The following STAB1 variants were observed in gnomAD, a reference collection of about 807,000 sequenced individuals.
STAB1 encodes the protein stabilin 1.
Under a neutral mutation model 332.4 loss-of-function variants are expected in STAB1, and 250 were observed. The ratio of observed to expected loss-of-function variants is 0.75; its 90% confidence interval spans 0.68 to 0.84. The LOEUF (loss-of-function observed/expected upper bound fraction) is 0.84. Among genes scored for constraint, STAB1 ranks in the 40% least tolerant of loss-of-function variants. STAB1 has a pLI of 0.00. For missense variants in STAB1, 3,249 were observed against 3,489.7 expected (o/e 0.93, Z 1.74); for synonymous variants, 1,475 against 1,390.4 (o/e 1.06, Z -1.35).
At position 52,510,350 on chromosome 3, in the gene STAB1, CTGAG is replaced by C; in HGVS notation, c.2633_2636del (p.Glu878ValfsTer34). 1.9e-6 allele frequency: 3 copies of C among 1,613,936 alleles called. No homozygotes were observed. Among genetic ancestry groups the C allele is most frequent in the Non-Finnish European group, 2.5e-6 (3 of 1,179,928 alleles). ...GTTATTTATCCATGGCTCTCACAGG[CTGAG>C]TGTGTCCCTGGGTCCCTGGGCACCC... On this transcript the variant is annotated frameshift_variant and splice_region_variant, in exon 25 of 69. Transcript: ENST00000321725. LOFTEE classifies it high-confidence loss of function.
intron 13 of STAB1, 26 bp from the exon 14 acceptor site, chr3:52,505,293 G>A (rs745859826): frequency 1.2e-6 from 2 of 1,613,148 alleles, no homozygotes; most frequent in Non-Finnish European, 1.7e-6. Context: ...CTTCCCTGGG[G>A]CCCTCACACT....
intron 14 of STAB1, 80 bp downstream of exon 14, chr3:52,505,461 A>C (rs1303092243): frequency 1.4e-6 from 2 of 1,460,740 alleles, no homozygotes; most frequent in African/African-American, 2.8e-5. Flanking sequence ...ATTCTGCCCC[A>C]CAGTGACCTG....
intron 36 of STAB1, 32 bp from the exon 37 acceptor site, chr3:52,515,391 G>A: frequency 1.9e-6 from 3 of 1,608,728 alleles, no homozygotes; most frequent in Non-Finnish European, 2.5e-6. Context: ...CCAAGCCACT[G>A]GCTGACCCCT....
At position 52,518,623 on chromosome 3, in the gene STAB1, C is replaced by T; in HGVS notation, c.4887+10C>T. On this transcript the variant is annotated intron_variant, in intron 47 of 68. Transcript: ENST00000321725. Reference sequence around the variant, plus strand: ...GAGCAACCTGTCGCAGGTATGCAGCCCCCAGAGCGAGGCTGGGCAGGGCTG... The same window carrying T: ...GAGCAACCTGTCGCAGGTATGCAGCTCCCAGAGCGAGGCTGGGCAGGGCTG... 1 of 1,608,924 alleles carries T rather than the reference C, an allele frequency of 6.2e-7. No individual in the cohort carries two copies. The highest frequency in any genetic ancestry group is 8.5e-7 in the Non-Finnish European group (1 of 1,178,158).
chr3:52,499,287 T>G (rs938802594), intron 1 of STAB1, among the ~76,000 whole-genome samples: 5 of 152,220 alleles, frequency 3.3e-5, no homozygotes, highest in African/African-American at 4.8e-5. Flanking sequence ...TGCTGGGACT[T>G]TGTTGCCGTA....
intron 16 of STAB1, 72 bp from the exon 17 acceptor site, chr3:52,506,098 C>T (rs1313212215): frequency 2.6e-6 from 4 of 1,539,800 alleles, no homozygotes; most frequent in Admixed American, 1.8e-5. Flanking sequence ...TGTGAGCCTC[C>T]TGGGCAGGAC....
Position 52,522,854 on chromosome 3 carries a change from G to A in STAB1, c.6824G>A (p.Cys2275Tyr). Residue 2275 changes from cysteine (C) to tyrosine (Y), a missense_variant, in exon 62 of 69, where the codon TGT becomes TAT. Transcript: ENST00000321725. The stretch of plus-strand genomic sequence containing the variant: ...CCTGTGGTTTTCCCTGTGGCGGACT[G>A]TGGCAATGGTCGGGTGGGCATAGTC... Reference protein sequence around the residue: ...AHPVVFPVADCGNGRVGIVSL... With the variant: ...AHPVVFPVADYGNGRVGIVSL... The A allele has an allele frequency of 1.2e-6, 2 of 1,613,332 alleles. No individual in the cohort carries two copies. The highest frequency in any genetic ancestry group is 2.2e-5 in the South Asian group (2 of 91,086).
At position 52,523,993 on chromosome 3, in the gene STAB1, G is replaced by A. The variant is rs2079177939; in HGVS notation, c.7518G>A (p.Met2506Ile). ...ALYLRARGKP[M>I]GFGFSAFQAE... ...ACCTCCGTGCCCGAGGCAAGCCCAT[G>A]GGCTTTGGCTTCTCTGCCTTCCAGG... Residue 2506 changes from methionine to isoleucine, a missense_variant, in exon 67 of 69, where the codon ATG (methionine) becomes ATA (isoleucine). Met to Ile is a conservative substitution (Grantham distance 10, BLOSUM62 1). Transcript: ENST00000321725. 2 of 1,611,812 alleles carry A rather than the reference G, an allele frequency of 1.2e-6. No individual in the cohort carries two copies. The highest frequency in any genetic ancestry group is 2.2e-5 in the East Asian group (1 of 44,886).
chr3:52,503,686 G>A, intron 8 of STAB1, 86 bp from the exon 9 acceptor site: 2 of 1,584,654 alleles, frequency 1.3e-6, no homozygotes, highest in South Asian at 1.1e-5. Context: ...TCAGGGAGGG[G>A]CTGAGCAGGG....
chr3:52,522,152 C>T lies in STAB1; in HGVS notation c.6387C>T (p.Ser2129=). The change falls in exon 59 of 69, where the codon AGC becomes AGT. Residue 2129 remains serine, a synonymous_variant. Coordinates refer to ENST00000321725, the MANE Select transcript of STAB1 (RefSeq NM_015136.3). ...CLPDYEGDGW[S]CRARNPCTDG... ...CCGACTACGAGGGTGATGGCTGGAG[C>T]TGCCGGGCCCGCAACCCCTGCACAG... The T allele has an allele frequency of 1.2e-6, 2 of 1,612,964 alleles. No homozygotes were observed. Among genetic ancestry groups the T allele is most frequent in the Non-Finnish European group, 8.5e-7 (1 of 1,180,004 alleles).
rs755773628 is a variant in STAB1, at chr3:52,510,384, C to T, written c.2664C>T (p.His888=). The T allele has an allele frequency of 5.6e-6, 9 of 1,614,070 alleles. No individual in the cohort carries two copies. In the Admixed American group the frequency reaches 6.7e-5, roughly 12 times the overall value. The change falls in exon 25 of 69, where the codon CAC becomes CAT. Residue 888 remains histidine (H), a synonymous_variant. Coordinates refer to ENST00000321725, the MANE Select transcript of STAB1 (RefSeq NM_015136.3). ...TCCCTGGGTCCCTGGGCACCCACCA[C>T]TGCACATGCCACAAAGGCTGGAGTG... is the stretch of plus-strand genomic sequence containing the variant. ...ECVPGSLGTH[H]CTCHKGWSGD...
In STAB1 at chr3:52,518,312, G is replaced by C. The variant is rs2078946123; in HGVS notation, c.4762G>C (p.Glu1588Gln). 1 of 1,612,700 alleles carries C rather than the reference G, an allele frequency of 6.2e-7. No homozygotes were observed. Among genetic ancestry groups the C allele is most frequent in the Non-Finnish European group, 8.5e-7 (1 of 1,179,808 alleles). ...GLTCRARVGLELLRDKHASFF... is the reference protein window; with the variant it reads ...GLTCRARVGLQLLRDKHASFF... ...TCTGAGCTGACCCTCGCCCCCCCAG[G>C]AGCTCCTGAGGGATAAGCATGCCTC... The change falls in exon 46 of 69, where the codon GAG becomes CAG. Residue 1588 changes from glutamate to glutamine, a missense_variant and splice_region_variant. Glu to Gln is a conservative substitution (Grantham distance 29). Transcript: ENST00000321725.
chr3:52,521,951 G>A lies in STAB1; in HGVS notation c.6271G>A (p.Val2091Met). 5.0e-6 allele frequency: 8 copies of A among 1,608,088 alleles called. No individual in the cohort carries two copies. The highest frequency in any genetic ancestry group is 6.0e-6 in the Non-Finnish European group (7 of 1,176,130). The part of the protein sequence containing the change: ...GYEGDGRVCT[V>M]ADLCQDGHGG... ...TGAAGGGGATGGCCGTGTGTGTACA[G>A]GTAAGCAGATGGGCGGGGACATGGA... Residue 2091 changes from valine to methionine, a missense_variant and splice_region_variant, in exon 58 of 69, where the codon GTG (valine) becomes ATG (methionine). Transcript: ENST00000321725.
intron 1 of STAB1, among the ~76,000 whole-genome samples, chr3:52,497,023 G>A (rs1463658351): frequency 6.6e-6 from 1 of 152,110 alleles, no homozygotes; most frequent in Non-Finnish European, 1.5e-5. Context: ...TTCTTTTGAG[G>A]TGGAGTCTCG....
At position 52,510,226 on chromosome 3, in the gene STAB1, C is replaced by T. The variant is rs1294666991; in HGVS notation, c.2619C>T (p.Cys873=). 2.5e-6 allele frequency: 4 copies of T among 1,613,912 alleles called. No homozygotes were observed. The highest frequency in any genetic ancestry group is 3.4e-6 in the Non-Finnish European group (4 of 1,180,028). The change falls in exon 24 of 69, where the codon TGC becomes TGT. Residue 873 remains cysteine, a synonymous_variant. Transcript: ENST00000321725. ...NPCSHPDRGG[C]SENAECVPGS... ...GCTCCCACCCGGACCGTGGAGGCTGCTCAGAGAATGTCAGTCCCCTTGCTC... is the reference window on the plus strand; with the variant it reads ...GCTCCCACCCGGACCGTGGAGGCTGTTCAGAGAATGTCAGTCCCCTTGCTC...
At chr3:52,514,244 G>T in intron 33 of STAB1, 31 bp downstream of exon 33, 7 of 1,611,298 alleles carry the variant, frequency 4.3e-6, no homozygotes, top group Non-Finnish European at 5.9e-6. Context: ...CAATGGCAGG[G>T]AGGGCAAAGG....
chr3:52,499,103 C>T (rs552187932), intron 1 of STAB1, among the ~76,000 whole-genome samples: 2 of 152,322 alleles, frequency 1.3e-5, no homozygotes, highest in South Asian at 4.1e-4. Context: ...GGGGTCACTC[C>T]CTTTGGACCA....
rs2078831381 is a variant in STAB1 at position 52,515,477 on chromosome 3, T to C, written c.3919T>C (p.Cys1307Arg). ...ATCTGGCTTCTCCTTCTCCCGGGGC[T>C]GCTCTTACACATGTGCCAAGAAGAT... ...YRSGFSFSRG[C>R]SYTCAKKIQV... is the part of the protein sequence containing the mutation. Residue 1307 changes from cysteine to arginine, a missense_variant, in exon 37 of 69, where the codon TGC (cysteine) becomes CGC (arginine). Cys to Arg is a radical substitution (Grantham distance 180, BLOSUM62 -3). Coordinates refer to ENST00000321725, the MANE Select transcript of STAB1 (RefSeq NM_015136.3). 1 of 1,613,532 alleles carries C rather than the reference T, an allele frequency of 6.2e-7. No individual in the cohort carries two copies. The highest frequency in any genetic ancestry group is 1.7e-5 in the Admixed American group (1 of 60,022).
rs2078934842 is a variant in STAB1, at chr3:52,518,070, T to C, written c.4761+67T>C. On this transcript the variant is annotated intron_variant, in intron 45 of 68. Transcript: ENST00000321725. ...TGCCCCATGGGCCTGACCCATGGTC[T>C]TGGCAAAGATCCGATTTGATCCTGA... 4 of 1,543,420 alleles carry C rather than the reference T, an allele frequency of 2.6e-6. No homozygotes were observed. The Admixed American group carries it at 8.4e-5, about 32-fold the overall frequency.
Sources: allele counts gnomAD v4.1 joint callset (sites outside exome capture counted in the v4.1 genomes callset), GRCh38; gene constraint gnomAD v4.1.1; transcripts MANE v1.5; gene names NCBI Gene and HGNC (gene_info 2026-07-23, HGNC 2026-07-21).